DNAH10: variants seen among roughly 807,000 people sequenced by gnomAD.
DNAH10 encodes the protein dynein axonemal heavy chain 10.
A neutral mutation model predicts 506.6 loss-of-function variants in DNAH10; 348 were observed. The ratio of observed to expected loss-of-function variants is 0.69; its 90% CI spans 0.63 to 0.75. The LOEUF is 0.75. Ranked by LOEUF, DNAH10 falls within the 30% of genes least tolerant of loss-of-function variation. DNAH10 has a pLI of 0.00. For synonymous variants in DNAH10, 2,059 were observed against 2,198.6 expected, an observed-to-expected ratio of 0.94 and a Z score of 1.78; for missense variants, 5,179 against 5,787.1, an observed-to-expected ratio of 0.89 and a Z score of 3.41.
chr12:123,784,735 C>G (rs1255251932), intron 8 of DNAH10, among the ~76,000 whole-genome samples: 1 of 152,170 alleles, frequency 6.6e-6, no homozygotes, highest in Non-Finnish European at 1.5e-5. Context: ...CACTAACTCC[C>G]CCTTCTTCCT....
intron 70 of DNAH10, 132 bp from the exon 71 acceptor site, chr12:123,929,143 C>A: frequency 1.1e-6 from 1 of 909,220 alleles, no homozygotes; most frequent in Non-Finnish European, 1.7e-6. Context: ...GGACAAGAGA[C>A]TTTAGCTATT....
chr12:123,774,309 G>A (rs1370356728), intron 5 of DNAH10, 45 bp downstream of exon 5: 6 of 1,439,810 alleles, frequency 4.2e-6, no homozygotes, highest in Non-Finnish European at 5.7e-6. Flanking sequence ...CTAAAGTTGA[G>A]GTCATGTGGT....
At position 123,866,268 on chromosome 12, in the gene DNAH10, G is replaced by T. The variant is rs981790364; in HGVS notation, c.7167+195G>T. 6.9e-5 allele frequency among the ~76,000 whole-genome samples: 7 copies of T among 102,128 alleles called. No homozygotes were observed. The East Asian group carries it at 1.6e-3, about 24-fold the overall frequency. 67.0% of individuals were successfully genotyped at this position (102,128 alleles called of 152,430 possible). ...TTTTTTTTTTTTTTTTTTGGAGACG[G>T]AGTCTCGCTCTGTCACCCAGGCTGG... On this transcript the variant is annotated intron_variant, in intron 41 of 78. Coordinates refer to ENST00000673944, the MANE Select transcript of DNAH10 (RefSeq NM_001372106.1).
Position 123,934,637 on chromosome 12 carries a change from A to G in DNAH10, c.13494A>G (p.Gly4498=), listed in dbSNP as rs1955400691. Residue 4498 remains glycine, a synonymous_variant, in exon 78 of 79, where the codon GGA becomes GGG. Transcript: ENST00000673944. ...TGTCCCTAGGATGCTTTGTCTCAGG[A>G]CTGTACCTGGAAGGTGCTGACTGGG... ...ERAGQGCFVS[G]LYLEGADWDI... is the part of the protein sequence containing the mutation. 1 of 1,613,508 alleles carries G rather than the reference A, an allele frequency of 6.2e-7. No homozygotes were observed. The highest frequency in any genetic ancestry group is 1.3e-5 in the African/African-American group (1 of 74,924).
In DNAH10 at chr12:123,877,727, A is replaced by G; in HGVS notation, c.8200-9A>G. 1 of 1,606,630 alleles carries G rather than the reference A, an allele frequency of 6.2e-7. No individual in the cohort carries two copies. Among genetic ancestry groups the G allele is most frequent in the Non-Finnish European group, 8.5e-7 (1 of 1,176,676 alleles). ...TGTGTGTTGGGGGGGGTGTCTTTGC[A>G]TTTTTCAGACGTTTCATGAGAGCAT... On this transcript the variant is annotated splice_polypyrimidine_tract_variant and intron_variant, in intron 47 of 78. Transcript: ENST00000673944.
intron 5 of DNAH10, among the ~76,000 whole-genome samples, chr12:123,774,769 G>T (rs1471718860): frequency 2.0e-5 from 3 of 152,190 alleles, no homozygotes; most frequent in Non-Finnish European, 4.4e-5. Context: ...CCTCATTCCC[G>T]TAAACCCACA....
intron 38 of DNAH10, among the ~76,000 whole-genome samples, chr12:123,859,962 T>C (rs181697739): frequency 4.7e-4 from 72 of 151,862 alleles, no homozygotes; most frequent in Admixed American, 1.8e-3. Flanking sequence ...CCCAAGAATT[T>C]GAGGCTGCAG....
chr12:123,908,170 CCTGT>C (rs1321678794), intron 57 of DNAH10: 1 of 365,410 alleles, frequency 2.7e-6, no homozygotes, highest in Non-Finnish European at 5.4e-6. Context: ...CTGTCTCCTC[CCTGT>C]CTCTCTGTCT....
At chr12:123,809,950 CCTT>C (rs1490339840) in intron 19 of DNAH10, among the ~76,000 whole-genome samples, 4 of 152,164 alleles carry the variant, frequency 2.6e-5, no homozygotes, top group Non-Finnish European at 1.5e-5. Flanking sequence ...GCTCCCCTGA[CCTT>C]CTTGTCCTCT....
intron 59 of DNAH10, among the ~76,000 whole-genome samples, chr12:123,912,621 T>A (rs1954276943): frequency 6.6e-6 from 1 of 152,092 alleles, no homozygotes; most frequent in African/African-American, 2.4e-5. Flanking sequence ...AAACGTCCCC[T>A]GGGGGACAAA....
chr12:123,830,984 T>C (rs1375153956), intron 26 of DNAH10, among the ~76,000 whole-genome samples: 2 of 152,180 alleles, frequency 1.3e-5, no homozygotes, highest in Non-Finnish European at 2.9e-5. Context: ...ATATTTGCTC[T>C]AGTACCTGCT....
chr12:123,896,148 C>CACAGAGAGAG (rs1383690518), intron 54 of DNAH10, among the ~76,000 whole-genome samples: 5 of 95,322 alleles, frequency 5.2e-5, no homozygotes, highest in African/African-American at 1.5e-4. Context: ...CACACACACA[C>CACAGAGAGAG]AGAGAGAGAG....
At chr12:123,786,191 G>A (rs1288309290) in intron 9 of DNAH10, among the ~76,000 whole-genome samples, 2 of 151,790 alleles carry the variant, frequency 1.3e-5, no homozygotes, top group Admixed American at 6.6e-5. Flanking sequence ...TGCGTGGTGG[G>A]CTGTAATCCC....
In DNAH10 at chr12:123,905,813, C is replaced by T. The variant is rs555284401; in HGVS notation, c.9815+2700C>T. The stretch of plus-strand genomic sequence containing the variant: ...CCATAAGGTGAGTTGCAAATCTTTT[C>T]CTGGTTTGTCATGGGCTATTTGACT... On this transcript the variant is annotated intron_variant, in intron 57 of 78. Coordinates refer to ENST00000673944, the MANE Select transcript of DNAH10 (RefSeq NM_001372106.1). Among the ~76,000 whole-genome samples, 12 of 152,100 alleles carry T rather than the reference C, an allele frequency of 7.9e-5. No homozygotes were observed. In the South Asian group the frequency reaches 2.3e-3, roughly 29 times the overall value.
chr12:123,869,793 C>G (rs1951955812), intron 43 of DNAH10, among the ~76,000 whole-genome samples: 1 of 152,204 alleles, frequency 6.6e-6, no homozygotes, highest in Non-Finnish European at 1.5e-5. Flanking sequence ...CCTGTCAGCT[C>G]TTAGACATGC....
rs887922289 is a variant in DNAH10, at chr12:123,909,013, A to G, written c.9816-248A>G. Among the ~76,000 whole-genome samples the G allele has an allele frequency of 2.0e-5, 3 of 152,124 alleles. No individual in the cohort carries two copies. The highest frequency in any genetic ancestry group is 4.4e-5 in the Non-Finnish European group (3 of 68,016). ...CGCTCCGGGGACGGCCTGGGTTTGT[A>G]TTTTAATGCTGCCCCCGCACCATTC... On this transcript the variant is annotated intron_variant, in intron 57 of 78. Coordinates refer to ENST00000673944, the MANE Select transcript of DNAH10 (RefSeq NM_001372106.1). The surrounding 1 kb of genome is among the most constrained non-coding windows in gnomAD (Gnocchi z 5.4).
At chr12:123,810,963 G>C (rs1246473308) in intron 19 of DNAH10, among the ~76,000 whole-genome samples, 1 of 152,084 alleles carries the variant, frequency 6.6e-6, no homozygotes, top group Non-Finnish European at 1.5e-5. Flanking sequence ...GGTGAAGCCT[G>C]TATTATTTTA....
chr12:123,896,146 C>CATAGAG (rs1953223312), intron 54 of DNAH10, among the ~76,000 whole-genome samples: 3 of 102,528 alleles, frequency 2.9e-5, no homozygotes, highest in Non-Finnish European at 5.8e-5. Context: ...CACACACACA[C>CATAGAG]ACAGAGAGAG....
rs1245328939 is a variant in DNAH10, at chr12:123,846,137, T to C, written c.5797T>C (p.Tyr1933His). ...CATCACGCCCCTCACCGATCGGATT[T>C]ACCTGACGCTCACCCAGGTGACTGC... ...LVITPLTDRI[Y>H]LTLTQALSMY... The change falls in exon 32 of 79, where the codon TAC becomes CAC. Residue 1933 changes from tyrosine to histidine, a missense_variant. Tyr to His is a moderately conservative substitution (Grantham distance 83, BLOSUM62 2). Coordinates refer to ENST00000673944, the MANE Select transcript of DNAH10 (RefSeq NM_001372106.1). The surrounding 1 kb of genome is among the most constrained non-coding windows in gnomAD (Gnocchi z 4.5). 1 of 1,612,856 alleles carries C rather than the reference T, an allele frequency of 6.2e-7. No homozygotes were observed. The highest frequency in any genetic ancestry group is 2.2e-5 in the East Asian group (1 of 44,858).
Sources: allele counts gnomAD v4.1 joint callset (sites outside exome capture counted in the v4.1 genomes callset), GRCh38; gene constraint gnomAD v4.1.1; non-coding constraint Gnocchi (gnomAD v3.1); transcripts MANE v1.5; gene names NCBI Gene and HGNC (gene_info 2026-07-23, HGNC 2026-07-21).